Variants in SDK1 observed in about 807,000 individuals in gnomAD.
The protein encoded by SDK1 is sidekick cell adhesion molecule 1, also known as protein sidekick-1.
Under a neutral mutation model 245.5 loss-of-function variants are expected in SDK1, and 157 were observed. The ratio of observed to expected loss-of-function variants is 0.64; its 90% CI spans 0.56 to 0.73. The LOEUF is 0.73. SDK1 is among the 30% of genes least tolerant of loss of function. The pLI is 0.00. For missense variants in SDK1, 3,583 were observed against 3,002.3 expected, an observed-to-expected ratio of 1.19 and a Z score of -4.52; for synonymous variants, 1,647 against 1,278.5, an observed-to-expected ratio of 1.29 and a Z score of -6.15.
At chr7:3,652,398 G>A (rs921907688) in intron 4 of SDK1, among the ~76,000 whole-genome samples, 1 of 152,222 alleles carries the variant, frequency 6.6e-6, no homozygotes, top group African/African-American at 2.4e-5. Flanking sequence ...AGGAGGGCCT[G>A]GAGTCATGTG....
intron 1 of SDK1, among the ~76,000 whole-genome samples, chr7:3,575,697 A>G (rs981657131): frequency 5.3e-5 from 8 of 152,008 alleles, no homozygotes; most frequent in Admixed American, 2.0e-4. Context: ...TGGGGGATCA[A>G]CTTATAAAGA....
At chr7:3,682,730 T>TGA (rs1784145640) in intron 4 of SDK1, among the ~76,000 whole-genome samples, 1 of 152,148 alleles carries the variant, frequency 6.6e-6, no homozygotes, top group Admixed American at 6.5e-5. Flanking sequence ...CAGTTTTTTT[T>TGA]TTTTTTAAAC....
At chr7:3,691,002 C>T (rs936961386) in intron 4 of SDK1, among the ~76,000 whole-genome samples, 1 of 152,138 alleles carries the variant, frequency 6.6e-6, no homozygotes, top group Non-Finnish European at 1.5e-5. Flanking sequence ...TGTTTGCCCT[C>T]ACTGGTTGAT....
Position 4,172,528 on chromosome 7 carries a change from C to T in SDK1, c.4801-1694C>T, listed in dbSNP as rs115484031. 3.8e-3 allele frequency among the ~76,000 whole-genome samples: 586 copies of T among 152,298 alleles called. 4 individuals are homozygous for T. Among genetic ancestry groups the T allele is most frequent in the African/African-American group, 0.013 (557 of 41,564 alleles). The stretch of plus-strand genomic sequence containing the variant: ...CGATTTCTCTAAACATCCAACCCCT[C>T]CTGGTGCCTGGGTTCAGATAGTGAG... On this transcript the variant is annotated intron_variant, in intron 32 of 44. Transcript: ENST00000404826.
rs572861505 is a variant in SDK1 at position 3,580,327 on chromosome 7, A to G, written c.299-38753A>G. 6.6e-5 allele frequency among the ~76,000 whole-genome samples: 10 copies of G among 152,360 alleles called. 1 individual carries two copies. In the South Asian group the frequency reaches 8.3e-4, roughly 13 times the overall value. ...CACATGGAACCAAAAGAGAGCCTGA[A>G]TAGCCAAGGCAATCCTAAACAAAAA... On this transcript the variant is annotated intron_variant, in intron 1 of 44. Transcript: ENST00000404826.
intron 4 of SDK1, among the ~76,000 whole-genome samples, chr7:3,700,399 G>A (rs183165389): frequency 6.6e-6 from 1 of 152,282 alleles, no homozygotes; most frequent in Non-Finnish European, 1.5e-5. Context: ...TGATATAGAG[G>A]AGATGTTTAT....
intron 4 of SDK1, among the ~76,000 whole-genome samples, chr7:3,774,229 A>G: frequency 6.6e-6 from 1 of 151,852 alleles, no homozygotes. Context: ...AAAAAAAAAA[A>G]AAAAGAATAC....
Position 3,449,671 on chromosome 7 carries a change from C to G in SDK1, c.298+147787C>G, listed in dbSNP as rs374692625. 1.3e-4 allele frequency among the ~76,000 whole-genome samples: 20 copies of G among 152,312 alleles called. No homozygotes were observed. The East Asian group carries it at 3.7e-3, about 28-fold the overall frequency. On this transcript the variant is annotated intron_variant, in intron 1 of 44. Transcript: ENST00000404826. Reference sequence around the variant, plus strand: ...AATAACATGCAGCTATTAAATAGCACATTTTGTGAATATTTAATAGTAGCA... The same window carrying G: ...AATAACATGCAGCTATTAAATAGCAGATTTTGTGAATATTTAATAGTAGCA...
chr7:4,017,111 TAAA>T, intron 16 of SDK1, 57 bp from the exon 17 acceptor site: 1 of 1,507,760 alleles, frequency 6.6e-7, no homozygotes, highest in Non-Finnish European at 8.9e-7. Flanking sequence ...TAACTGCGGG[TAAA>T]CACCGTTCCT....
At chr7:3,344,826 T>A (rs967687698) in intron 1 of SDK1, among the ~76,000 whole-genome samples, 1 of 152,180 alleles carries the variant, frequency 6.6e-6, no homozygotes, top group African/African-American at 2.4e-5. Flanking sequence ...CAGTCCTAAA[T>A]TCAGAAAATG....
intron 12 of SDK1, among the ~76,000 whole-genome samples, chr7:3,972,754 C>T (rs1420214930): frequency 2.0e-5 from 3 of 152,158 alleles, no homozygotes; most frequent in Admixed American, 6.5e-5. Context: ...TGTTCTCTCG[C>T]GCTTCTTGAG....
At chr7:3,829,281 A>G (rs912069937) in intron 5 of SDK1, among the ~76,000 whole-genome samples, 1 of 152,184 alleles carries the variant, frequency 6.6e-6, no homozygotes, top group Non-Finnish European at 1.5e-5. Context: ...AGGAACAACA[A>G]CTGTTTGAAG....
chr7:3,823,103 TG>T (rs1325338279), intron 5 of SDK1, among the ~76,000 whole-genome samples: 1 of 152,070 alleles, frequency 6.6e-6, no homozygotes, highest in Non-Finnish European at 1.5e-5. Context: ...GGATTAGGGG[TG>T]GGGTTCACAA....
intron 1 of SDK1, among the ~76,000 whole-genome samples, chr7:3,522,758 T>G (rs1356375141): frequency 1.3e-5 from 2 of 152,174 alleles, no homozygotes; most frequent in African/African-American, 4.8e-5. Context: ...AATTCCAGCT[T>G]TAAGGTTCAC....
At chr7:3,860,837 G>C (rs180718779) in intron 5 of SDK1, among the ~76,000 whole-genome samples, 5 of 152,236 alleles carry the variant, frequency 3.3e-5, no homozygotes, top group Non-Finnish European at 7.3e-5. Context: ...ACTAATCAAT[G>C]TGATTCCTGT....
chr7:3,388,690 G>C (rs1432210074), intron 1 of SDK1, among the ~76,000 whole-genome samples: 1 of 152,092 alleles, frequency 6.6e-6, no homozygotes, highest in Non-Finnish European at 1.5e-5. Context: ...ATTATTCCTT[G>C]ACATTTTTAA....
intron 35 of SDK1, among the ~76,000 whole-genome samples, chr7:4,195,846 C>T (rs775740900): frequency 3.5e-4 from 53 of 152,160 alleles, no homozygotes; most frequent in Non-Finnish European, 6.6e-4. Flanking sequence ...GCAGCAGCCA[C>T]GGTGGCAACA....
chr7:3,717,195 T>G (rs1184061432), intron 4 of SDK1, among the ~76,000 whole-genome samples: 3 of 152,162 alleles, frequency 2.0e-5, no homozygotes, highest in African/African-American at 7.2e-5. Flanking sequence ...ATAGACCATA[T>G]CCTGGTTCAT....
chr7:3,617,731 A>G (rs78433864), intron 1 of SDK1, among the ~76,000 whole-genome samples: 4,430 of 152,214 alleles, frequency 0.029, 186 homozygotes, highest in African/African-American at 0.095. Flanking sequence ...CTCTCCCTTG[A>G]TAACTAACTC....
Sources: gnomAD v4.1 joint callset for allele counts (sites outside exome capture counted in the v4.1 genomes callset) on GRCh38, gnomAD v4.1.1 for gene constraint, MANE v1.5 for transcripts, NCBI Gene and HGNC (gene_info 2026-07-23, HGNC 2026-07-21) for gene names.